RIMS1: variants seen among roughly 807,000 people sequenced by gnomAD.
RIMS1 encodes regulating synaptic membrane exocytosis protein 1.
RIMS1 carries 83 observed loss-of-function variants against 214.1 expected under a neutral mutation model. The ratio of observed to expected loss-of-function variants is 0.39; its 90% CI spans 0.32 to 0.47. The LOEUF is 0.47. Ranked by LOEUF, RIMS1 falls within the 20% of genes least tolerant of loss-of-function variation. The pLI is 0.99. For missense variants in RIMS1, 2,050 were observed against 2,161.8 expected, an observed-to-expected ratio of 0.95 and a Z score of 1.03; for synonymous variants, 793 against 786.8, an observed-to-expected ratio of 1.01 and a Z score of -0.13.
intron 29 of RIMS1, among the ~76,000 whole-genome samples, chr6:72,356,052 A>G (rs1171548673): frequency 6.6e-6 from 1 of 152,166 alleles, no homozygotes; most frequent in Non-Finnish European, 1.5e-5. Context: ...CCAGTCTACT[A>G]TATTAAGCTT....
chr6:72,120,325 G>A (rs1183657327), intron 4 of RIMS1, among the ~76,000 whole-genome samples: 1 of 151,902 alleles, frequency 6.6e-6, no homozygotes, highest in South Asian at 2.1e-4. Context: ...GTTGTTTCCT[G>A]ACTTTTTAAT....
chr6:72,202,703 A>G (rs1336336546), intron 6 of RIMS1, among the ~76,000 whole-genome samples: 3 of 152,200 alleles, frequency 2.0e-5, no homozygotes, highest in Non-Finnish European at 2.9e-5. Context: ...ATGGTTGTCT[A>G]TGAAAAACAT....
At chr6:72,137,799 C>T (rs1223865857) in intron 4 of RIMS1, among the ~76,000 whole-genome samples, 15 of 148,336 alleles carry the variant, frequency 1.0e-4, no homozygotes, top group African/African-American at 2.7e-4. Context: ...TGCAGTGGCA[C>T]GATCTCGGCT....
At chr6:72,384,861 C>T (rs1429313047) in intron 29 of RIMS1, among the ~76,000 whole-genome samples, 2 of 152,066 alleles carry the variant, frequency 1.3e-5, no homozygotes, top group Non-Finnish European at 2.9e-5. Context: ...ATCATAGGTT[C>T]TTGGTGATTA....
intron 6 of RIMS1, among the ~76,000 whole-genome samples, chr6:72,188,137 G>C (rs912149206): frequency 6.6e-6 from 1 of 151,250 alleles, no homozygotes; most frequent in Non-Finnish European, 1.5e-5. Context: ...AGTGTGGGTC[G>C]GCCTTTCCCA....
chr6:72,136,471 C>T (rs2041298585), intron 4 of RIMS1, among the ~76,000 whole-genome samples: 1 of 152,006 alleles, frequency 6.6e-6, no homozygotes, highest in Non-Finnish European at 1.5e-5. Flanking sequence ...TCTGATTTAT[C>T]TTTAACAAAA....
At chr6:72,332,423 A>T (rs951071510) in intron 28 of RIMS1, among the ~76,000 whole-genome samples, 2 of 150,938 alleles carry the variant, frequency 1.3e-5, no homozygotes, top group African/African-American at 4.9e-5. Flanking sequence ...TTCTCAGTAA[A>T]CTATCGCAAG....
At chr6:72,158,934 C>T (rs192693321) in intron 4 of RIMS1, among the ~76,000 whole-genome samples, 1 of 140,232 alleles carries the variant, frequency 7.1e-6, no homozygotes, top group East Asian at 2.0e-4. Flanking sequence ...ATGGCTGGGT[C>T]AAATGGTATT....
At chr6:71,934,320 C>T (rs562104752) in intron 1 of RIMS1, among the ~76,000 whole-genome samples, 3 of 152,208 alleles carry the variant, frequency 2.0e-5, no homozygotes, top group Admixed American at 6.5e-5. Context: ...GAAATAAATA[C>T]GGAACATATT....
intron 4 of RIMS1, among the ~76,000 whole-genome samples, chr6:72,109,403 T>A (rs1037622918): frequency 1.1e-4 from 16 of 151,898 alleles, no homozygotes; most frequent in African/African-American, 3.4e-4. Flanking sequence ...CTAACTGGTG[T>A]GAGATGGTAT....
chr6:72,105,969 G>C (rs1365865613), intron 4 of RIMS1, among the ~76,000 whole-genome samples: 1 of 152,010 alleles, frequency 6.6e-6, no homozygotes, highest in African/African-American at 2.4e-5. Context: ...AAATTTATTA[G>C]TTTTGCAGTT....
At chr6:72,314,527 C>T (rs2095664701) in intron 28 of RIMS1, among the ~76,000 whole-genome samples, 1 of 152,126 alleles carries the variant, frequency 6.6e-6, no homozygotes, top group South Asian at 2.1e-4. Context: ...AAGTAATCAT[C>T]CTGCTGTTAT....
intron 4 of RIMS1, among the ~76,000 whole-genome samples, chr6:72,100,677 C>T (rs2153808845): frequency 6.6e-6 from 1 of 151,988 alleles, no homozygotes; most frequent in South Asian, 2.1e-4. Flanking sequence ...TATACACCTT[C>T]ATTTGGTATG....
intron 4 of RIMS1, among the ~76,000 whole-genome samples, chr6:72,126,020 A>G (rs1262555526): frequency 2.0e-5 from 3 of 152,182 alleles, no homozygotes; most frequent in Non-Finnish European, 1.5e-5. Context: ...TCCCAGTGAG[A>G]TGAACCAGGT....
chr6:71,976,688 C>T (rs1338256862), intron 2 of RIMS1, among the ~76,000 whole-genome samples: 1 of 152,012 alleles, frequency 6.6e-6, no homozygotes, highest in Non-Finnish European at 1.5e-5. Context: ...ATTAAGATTT[C>T]CCCCTGTGTT....
intron 2 of RIMS1, among the ~76,000 whole-genome samples, chr6:72,042,549 C>T (rs1028971380): frequency 6.6e-6 from 1 of 151,678 alleles, no homozygotes; most frequent in Non-Finnish European, 1.5e-5. Context: ...ATACATGTGC[C>T]GTAATTTATT....
chr6:72,339,382 A>G (rs1352482385), intron 29 of RIMS1, among the ~76,000 whole-genome samples: 1 of 151,982 alleles, frequency 6.6e-6, no homozygotes, highest in Non-Finnish European at 1.5e-5. Context: ...TGCTGCACCC[A>G]TTAACTCGTC....
chr6:72,273,495 G>A (rs2084515484), intron 22 of RIMS1, among the ~76,000 whole-genome samples: 1 of 152,008 alleles, frequency 6.6e-6, no homozygotes. Flanking sequence ...TTTGAAATTT[G>A]TGTCTGTGCA....
intron 26 of RIMS1, among the ~76,000 whole-genome samples, chr6:72,306,006 A>G (rs1483282915): frequency 1.3e-5 from 2 of 152,094 alleles, no homozygotes; most frequent in African/African-American, 4.8e-5. Context: ...TTACAGACTG[A>G]TTTCTTTTTT....
Sources: allele counts gnomAD v4.1 joint callset (sites outside exome capture counted in the v4.1 genomes callset), GRCh38; gene constraint gnomAD v4.1.1; transcripts MANE v1.5; gene names NCBI Gene and HGNC (gene_info 2026-07-23, HGNC 2026-07-21).